Variants in ASB11 observed in about 807,000 individuals in gnomAD.
ASB11 encodes ankyrin repeat and SOCS box protein 11.
ASB11 carries 17 observed loss-of-function variants against 20.1 expected under a neutral mutation model. The observed-to-expected ratio is 0.85, with a 90% confidence interval of 0.58 to 1.27. The LOEUF (loss-of-function observed/expected upper bound fraction) is 1.27, where lower values mean the gene tolerates loss of function less well. Among genes scored for constraint, ASB11 ranks in the 50% most tolerant of loss-of-function variants. ASB11 has a pLI of 0.00. For missense variants in ASB11, 259 were observed against 256.9 expected, an observed-to-expected ratio of 1.01 and a Z score of -0.06; for synonymous variants, 107 against 105.6, an observed-to-expected ratio of 1.01 and a Z score of -0.08.
chrX:15,305,773 TTTATC>T (rs5901557), intron 1 of ASB11, among the ~76,000 whole-genome samples: 2,207 of 111,719 alleles, frequency 0.02, 51 homozygotes, highest in African/African-American at 0.067. Context: ...TTTTTTGACT[TTTATC>T]TTAAGTTCAG....
At chrX:15,294,048 A>G (rs1292818747) in intron 3 of ASB11, among the ~76,000 whole-genome samples, 1 of 111,443 alleles carries the variant, frequency 9.0e-6, no homozygotes, top group Non-Finnish European at 1.9e-5. Context: ...AAAAATAAAT[A>G]AATAAAATTA....
intron 3 of ASB11, among the ~76,000 whole-genome samples, chrX:15,294,974 G>A (rs2147692428): frequency 8.9e-6 from 1 of 112,153 alleles, no homozygotes; most frequent in East Asian, 2.8e-4. Flanking sequence ...CTCCTTGAGT[G>A]GGCTGAACAA....
At chrX:15,283,717 T>C in intron 6 of ASB11, 88 bp from the exon 7 acceptor site, 1 of 1,071,081 alleles carries the variant, frequency 9.3e-7, no homozygotes, top group South Asian at 1.9e-5. Flanking sequence ...GAGGCGGAAA[T>C]TTTCTAAAAG....
Position 15,283,171 on chromosome X carries a change from A to G in ASB11, c.*334T>C, listed in dbSNP as rs1395806433. 2 of 148,403 alleles carry G rather than the reference A, an allele frequency of 1.3e-5. No homozygotes were observed. Among genetic ancestry groups the G allele is most frequent in the Non-Finnish European group, 2.6e-5 (2 of 75,938 alleles). 12.2% of individuals were successfully genotyped at this position (148,403 alleles called of 1,213,427 possible). A position where few individuals can be genotyped will look rare whatever the true frequency, so the allele number is the denominator to read the frequency against. ...TATCCACCTGAATTTATATGTGTCT[A>G]TACAATATTCAGAATGTTGACTTTT... On this transcript the variant is annotated 3_prime_UTR_variant, in exon 7 of 7. Transcript: ENST00000480796.
chrX:15,310,279 G>T (rs1366137955), intron 1 of ASB11, among the ~76,000 whole-genome samples: 1 of 111,845 alleles, frequency 8.9e-6, no homozygotes, highest in Non-Finnish European at 1.9e-5. Context: ...CAGGAAGTAT[G>T]CAACTGAGCT....
In ASB11 at chrX:15,293,340, G is replaced by C. The variant is rs767092578; in HGVS notation, c.370-20C>G. The C allele has an allele frequency of 3.3e-5, 39 of 1,183,523 alleles. No homozygotes were observed. Among genetic ancestry groups the C allele is most frequent in the Middle Eastern group, 4.7e-4 (2 of 4,248 alleles). On this transcript the variant is annotated intron_variant, in intron 3 of 6. Coordinates refer to ENST00000480796, the MANE Select transcript of ASB11 (RefSeq NM_080873.3). ...ATTGACCTAATGATGGGCAAAGAGAGACCCAAAGGATTTGTTATTTCATTC... is the reference window on the plus strand; with the variant it reads ...ATTGACCTAATGATGGGCAAAGAGACACCCAAAGGATTTGTTATTTCATTC...
intron 6 of ASB11, 96 bp from the exon 7 acceptor site, chrX:15,283,725 A>C: frequency 9.9e-7 from 1 of 1,009,026 alleles, no homozygotes; most frequent in Non-Finnish European, 1.4e-6. Context: ...AATTTTCTAA[A>C]AGCAGAAGAG....
At chrX:15,308,363 C>T (rs759537917) in intron 1 of ASB11, among the ~76,000 whole-genome samples, 54 of 112,224 alleles carry the variant, frequency 4.8e-4, no homozygotes, top group African/African-American at 1.7e-3. Flanking sequence ...ATCTTTCATT[C>T]CACCAAGAAA....
chrX:15,301,118 A>T (rs907621758), intron 2 of ASB11, among the ~76,000 whole-genome samples: 6 of 110,445 alleles, frequency 5.4e-5, no homozygotes, highest in Admixed American at 9.7e-5. Context: ...GCCCACCACC[A>T]CGCCTGGCTA....
chrX:15,291,582 C>A, intron 4 of ASB11, among the ~76,000 whole-genome samples: 1 of 109,144 alleles, frequency 9.2e-6, no homozygotes. Context: ...TGACAGGTGC[C>A]TGTAATCTCA....
At chrX:15,289,249 G>C (rs1463003629) in intron 5 of ASB11, among the ~76,000 whole-genome samples, 1 of 112,633 alleles carries the variant, frequency 8.9e-6, no homozygotes, top group South Asian at 3.6e-4. Flanking sequence ...GATAAGGAGG[G>C]CTGTAAGCCC....
chrX:15,300,410 A>G (rs749661734), intron 2 of ASB11, among the ~76,000 whole-genome samples: 6 of 112,916 alleles, frequency 5.3e-5, no homozygotes, highest in African/African-American at 1.9e-4. Flanking sequence ...ATATCGGTTT[A>G]ATGTTTTACT....
chrX:15,285,504 G>A (rs1344284393), intron 6 of ASB11, among the ~76,000 whole-genome samples: 1 of 110,982 alleles, frequency 9.0e-6, no homozygotes, highest in Non-Finnish European at 1.9e-5. Flanking sequence ...GCTAGGCCCT[G>A]TCCAGGATAT....
rs138942411 is a variant in ASB11 at position 15,283,529 on chromosome X, G to C, written c.948C>G (p.Leu316=). 3.6e-5 allele frequency: 44 copies of C among 1,209,060 alleles called. No individual in the cohort carries two copies. The highest frequency in any genetic ancestry group is 4.8e-5 in the Non-Finnish European group (43 of 894,634). The change falls in exon 7 of 7, where the codon CTC becomes CTG. Residue 316 remains leucine, a synonymous_variant. Transcript: ENST00000480796. ...AIHKLHLPEP[L]ERFLLYQ ...ACTATTGGTATAGGAGGAATCGTTC[G>C]AGTGGCTCTGGCAGATGTAGCTTGT... is the stretch of plus-strand genomic sequence containing the variant.
chrX:15,291,410 A>T (rs1205576009), intron 4 of ASB11, among the ~76,000 whole-genome samples: 2 of 112,363 alleles, frequency 1.8e-5, no homozygotes, highest in African/African-American at 6.5e-5. Flanking sequence ...TCAAAAATTT[A>T]CTTCAAATCA....
chrX:15,298,936 C>A (rs1456808058), intron 2 of ASB11, among the ~76,000 whole-genome samples: 2 of 111,289 alleles, frequency 1.8e-5, no homozygotes, highest in Non-Finnish European at 3.8e-5. Flanking sequence ...TCTCCTCACC[C>A]AGGTATGAGT....
rs772797326 is a variant in ASB11, at chrX:15,289,354, A to G, written c.655+150T>C. ...GGAAGCAGGACTGAGAAATACAGAC[A>G]CTCATTTCTCTAGAGAAGTTTTGTT... On this transcript the variant is annotated intron_variant, in intron 5 of 6. Coordinates refer to ENST00000480796, the MANE Select transcript of ASB11 (RefSeq NM_080873.3). 3.1e-4 allele frequency: 169 copies of G among 550,289 alleles called. 1 individual carries two copies. In the African/African-American group the frequency reaches 3.5e-3, roughly 11 times the overall value. The allele number at this position is 550,289 out of a possible 1,213,427, so 45.3% of individuals were successfully genotyped here.
At chrX:15,285,579 T>G (rs1927360820) in intron 6 of ASB11, among the ~76,000 whole-genome samples, 1 of 112,190 alleles carries the variant, frequency 8.9e-6, no homozygotes, top group Non-Finnish European at 1.9e-5. Context: ...TGTGAAAACT[T>G]CTATAAACTA....
At chrX:15,298,007 AG>A (rs1920984441) in intron 2 of ASB11, among the ~76,000 whole-genome samples, 1 of 112,484 alleles carries the variant, frequency 8.9e-6, no homozygotes, top group Non-Finnish European at 1.9e-5. Context: ...TTTATCCAAA[AG>A]AATGTTAATT....
Sources: gnomAD v4.1 joint callset for allele counts (sites outside exome capture counted in the v4.1 genomes callset) on GRCh38, gnomAD v4.1.1 for gene constraint, MANE v1.5 for transcripts, NCBI Gene and HGNC (gene_info 2026-07-23, HGNC 2026-07-21) for gene names.